The following HPSE2 variants were observed in gnomAD, a reference collection of about 807,000 sequenced individuals.
HPSE2 encodes heparanase 2 (inactive).
In HPSE2, 38 loss-of-function variants were observed where a neutral mutation model predicts 60.5. The observed-to-expected ratio is 0.63, with a 90% CI of 0.48 to 0.82. The LOEUF (loss-of-function observed/expected upper bound fraction) is 0.82, where lower values mean the gene tolerates loss of function less well. HPSE2 is among the 40% of genes least tolerant of loss of function. The probability of loss-of-function intolerance (pLI) is 0.00; values close to 1 mark genes in which losing one functional copy is unlikely to be tolerated. For missense variants in HPSE2, 713 were observed against 740.4 expected, an observed-to-expected ratio of 0.96 and a Z score of 0.43; for synonymous variants, 295 against 293.2, an observed-to-expected ratio of 1.01 and a Z score of -0.06.
At chr10:98,911,607 T>C (rs1336874232) in intron 3 of HPSE2, among the ~76,000 whole-genome samples, 3 of 151,888 alleles carry the variant, frequency 2.0e-5, no homozygotes, top group Admixed American at 6.6e-5. Context: ...GGATAGGAAA[T>C]GGGCAGGAGA....
chr10:98,652,479 T>G (rs1946944540), intron 6 of HPSE2, among the ~76,000 whole-genome samples: 1 of 152,178 alleles, frequency 6.6e-6, no homozygotes, highest in African/African-American at 2.4e-5. Flanking sequence ...TTCACTAGCT[T>G]TATACCACCA....
At chr10:98,946,287 T>C (rs189448788) in intron 3 of HPSE2, among the ~76,000 whole-genome samples, 15 of 152,022 alleles carry the variant, frequency 9.9e-5, no homozygotes, top group African/African-American at 2.4e-4. Flanking sequence ...CTGAGCAGCA[T>C]AGTGAGACCC....
intron 3 of HPSE2, among the ~76,000 whole-genome samples, chr10:98,981,928 C>A (rs1956216556): frequency 6.6e-6 from 1 of 152,060 alleles, no homozygotes; most frequent in Non-Finnish European, 1.5e-5. Flanking sequence ...CAATGCAATA[C>A]CCTCCTTACT....
intron 9 of HPSE2, among the ~76,000 whole-genome samples, chr10:98,579,076 A>C (rs1030675676): frequency 4.5e-5 from 6 of 133,748 alleles, no homozygotes; most frequent in South Asian, 2.6e-4. Flanking sequence ...CTTATATGTC[A>C]GTGGGAATCT....
At chr10:98,901,790 C>T (rs1953673527) in intron 3 of HPSE2, among the ~76,000 whole-genome samples, 1 of 152,258 alleles carries the variant, frequency 6.6e-6, no homozygotes, top group East Asian at 1.9e-4. Context: ...GCTACTTAAC[C>T]TTTGTAGGCC....
intron 3 of HPSE2, among the ~76,000 whole-genome samples, chr10:98,761,501 T>C (rs968720532): frequency 6.6e-6 from 1 of 152,184 alleles, no homozygotes; most frequent in African/African-American, 2.4e-5. Context: ...TTTCTTAATG[T>C]AGGCATTTAT....
chr10:98,532,981 G>C (rs974040008), intron 9 of HPSE2, among the ~76,000 whole-genome samples: 1 of 152,120 alleles, frequency 6.6e-6, no homozygotes, highest in Admixed American at 6.6e-5. Flanking sequence ...GGCTTACTTT[G>C]ATCCCTTTCT....
At chr10:98,973,337 C>A (rs1206582074) in intron 3 of HPSE2, among the ~76,000 whole-genome samples, 1 of 152,112 alleles carries the variant, frequency 6.6e-6, no homozygotes, top group East Asian at 1.9e-4. Flanking sequence ...AATGAATAAG[C>A]AATCTTCTGT....
At chr10:99,149,123 G>GTTGACT (rs1219178971) in intron 2 of HPSE2, among the ~76,000 whole-genome samples, 1 of 152,150 alleles carries the variant, frequency 6.6e-6, no homozygotes, top group African/African-American at 2.4e-5. Flanking sequence ...AGAAGAAATA[G>GTTGACT]TTGACTTATT....
chr10:99,191,203 C>T (rs927277939), intron 2 of HPSE2, among the ~76,000 whole-genome samples: 1 of 151,974 alleles, frequency 6.6e-6, no homozygotes, highest in Non-Finnish European at 1.5e-5. Flanking sequence ...GGGGGTAGTT[C>T]GCCACCCTGA....
At position 98,614,895 on chromosome 10, in the gene HPSE2, C is replaced by T; in HGVS notation, c.1320+9G>A. The T allele has an allele frequency of 6.4e-7, 1 of 1,560,442 alleles. No individual in the cohort carries two copies. The highest frequency in any genetic ancestry group is 8.8e-7 in the Non-Finnish European group (1 of 1,130,934). On this transcript the variant is annotated intron_variant, in intron 9 of 11. Transcript: ENST00000370552. ...GAAAAGGGATTGGGAATCTTTATCCCACACTTACTGGTAATGGGTTAAAAT... is the reference window on the plus strand; with the variant it reads ...GAAAAGGGATTGGGAATCTTTATCCTACACTTACTGGTAATGGGTTAAAAT...
At chr10:98,616,306 C>A (rs374551092) in intron 8 of HPSE2, among the ~76,000 whole-genome samples, 12 of 152,294 alleles carry the variant, frequency 7.9e-5, no homozygotes, top group African/African-American at 2.9e-4. Context: ...CAAGCATAGA[C>A]ACAATGTCTG....
At chr10:99,228,037 T>G (rs1589845175) in intron 2 of HPSE2, among the ~76,000 whole-genome samples, 2 of 151,930 alleles carry the variant, frequency 1.3e-5, no homozygotes, top group East Asian at 3.9e-4. Context: ...AACAGTTTTG[T>G]GCAAATAAGG....
intron 2 of HPSE2, among the ~76,000 whole-genome samples, chr10:99,170,257 ACT>A (rs1847258249): frequency 6.6e-6 from 1 of 152,042 alleles, no homozygotes. Context: ...AACAAACGAC[ACT>A]CTGGCAGGAA....
chr10:99,177,268 A>C (rs1277993339), intron 2 of HPSE2, among the ~76,000 whole-genome samples: 2 of 152,202 alleles, frequency 1.3e-5, no homozygotes, highest in Non-Finnish European at 2.9e-5. Flanking sequence ...ATTCACACAT[A>C]ACAATATTAA....
intron 3 of HPSE2, among the ~76,000 whole-genome samples, chr10:99,046,630 T>C (rs1447385470): frequency 6.6e-6 from 1 of 152,036 alleles, no homozygotes; most frequent in Non-Finnish European, 1.5e-5. Context: ...TTAATAAGGT[T>C]TCAGGATACA....
At chr10:98,646,114 T>G (rs1337682373) in intron 6 of HPSE2, among the ~76,000 whole-genome samples, 1 of 152,220 alleles carries the variant, frequency 6.6e-6, no homozygotes, top group Non-Finnish European at 1.5e-5. Context: ...TAAGAAAACA[T>G]TCAGCATCAA....
At chr10:99,136,474 C>T (rs1173308517) in intron 3 of HPSE2, among the ~76,000 whole-genome samples, 5 of 152,138 alleles carry the variant, frequency 3.3e-5, no homozygotes, top group East Asian at 1.9e-4. Context: ...TGATGAACAT[C>T]GATGCGAAAA....
At chr10:99,111,758 A>C (rs745711115) in intron 3 of HPSE2, among the ~76,000 whole-genome samples, 1 of 152,208 alleles carries the variant, frequency 6.6e-6, no homozygotes, top group Non-Finnish European at 1.5e-5. Context: ...TTAATTTCCA[A>C]AACAGATGCT....
Sources: gnomAD v4.1 joint callset for allele counts (sites outside exome capture counted in the v4.1 genomes callset) on GRCh38, gnomAD v4.1.1 for gene constraint, MANE v1.5 for transcripts, NCBI Gene and HGNC (gene_info 2026-07-23, HGNC 2026-07-21) for gene names.